Variants in RGPD4 observed in about 807,000 individuals in gnomAD.
The protein encoded by RGPD4 is ranBP2-like and GRIP domain-containing protein 4.
Under a neutral mutation model 141.1 loss-of-function variants are expected in RGPD4, and 84 were observed. The ratio of observed to expected loss-of-function variants is 0.60; its 90% CI spans 0.50 to 0.71. The LOEUF (loss-of-function observed/expected upper bound fraction) is 0.71. RGPD4 is among the 30% of genes least tolerant of loss of function. RGPD4 has a pLI of 0.00. For missense variants in RGPD4, 918 were observed against 1,622.4 expected (o/e 0.57, Z 7.46); for synonymous variants, 298 against 566.8 (o/e 0.53, Z 6.74).
At chr2:107,856,170 C>T (rs1380498411) in intron 8 of RGPD4, among the ~76,000 whole-genome samples, 1 of 123,988 alleles carries the variant, frequency 8.1e-6, no homozygotes, top group East Asian at 2.3e-4. Context: ...TCTCCTCCCT[C>T]AGCCTCCCCA....
chr2:107,845,455 C>G (rs940232650), intron 6 of RGPD4, among the ~76,000 whole-genome samples: 1 of 150,316 alleles, frequency 6.7e-6, no homozygotes, highest in Non-Finnish European at 1.5e-5. Context: ...GGGGAGATGA[C>G]CATGGGAATG....
At chr2:107,832,129 C>T (rs980238095) in intron 1 of RGPD4, among the ~76,000 whole-genome samples, 16 of 151,940 alleles carry the variant, frequency 1.1e-4, no homozygotes, top group African/African-American at 3.4e-4. Flanking sequence ...AACTCAGCAA[C>T]TTAAACCCTC....
intron 20 of RGPD4, among the ~76,000 whole-genome samples, chr2:107,874,326 T>G (rs1481201339): frequency 6.7e-6 from 1 of 150,196 alleles, no homozygotes; most frequent in Non-Finnish European, 1.5e-5. Flanking sequence ...ACAGCTTGCA[T>G]ATTATATATG....
At chr2:107,833,975 C>G (rs1366065579) in intron 1 of RGPD4, among the ~76,000 whole-genome samples, 1 of 150,922 alleles carries the variant, frequency 6.6e-6, no homozygotes, top group African/African-American at 2.5e-5. Context: ...CCACCGCACT[C>G]CAGCCTGGTG....
intron 21 of RGPD4, among the ~76,000 whole-genome samples, chr2:107,882,078 T>C (rs1363358267): frequency 2.0e-5 from 3 of 151,848 alleles, no homozygotes; most frequent in Non-Finnish European, 4.4e-5. Flanking sequence ...AACCCATGGC[T>C]CCAGTTATTT....
At chr2:107,878,360 G>A (rs185240871) in intron 20 of RGPD4, among the ~76,000 whole-genome samples, 4 of 149,152 alleles carry the variant, frequency 2.7e-5, no homozygotes, top group African/African-American at 9.8e-5. Context: ...CCCACTTCTA[G>A]ACATGCACAC....
intron 17 of RGPD4, among the ~76,000 whole-genome samples, chr2:107,865,193 C>G (rs62150202): frequency 8.8e-5 from 13 of 147,878 alleles, no homozygotes; most frequent in South Asian, 2.1e-4. Flanking sequence ...CCCTGCATCC[C>G]TTTCTCTCAT....
intron 22 of RGPD4, among the ~76,000 whole-genome samples, chr2:107,885,996 T>G (rs2104521506): frequency 6.7e-6 from 1 of 149,956 alleles, no homozygotes; most frequent in Admixed American, 6.7e-5. Context: ...GAGGTTGCAG[T>G]GAGCCGAGAT....
At chr2:107,877,951 T>A (rs529254335) in intron 20 of RGPD4, among the ~76,000 whole-genome samples, 1 of 151,620 alleles carries the variant, frequency 6.6e-6, no homozygotes, top group East Asian at 1.9e-4. Flanking sequence ...CAGCTGGGAT[T>A]ACAGGCACCT....
rs1316210489 is a variant in RGPD4 at position 107,880,216 on chromosome 2, G to A, written c.5064+109G>A. On this transcript the variant is annotated intron_variant, in intron 21 of 22. Transcript: ENST00000408999. ...TTCACATTGCAGATGCATCTATAAC[G>A]TCTTGATCTTTATATTAGATTCCTG... The A allele has an allele frequency of 4.3e-5, 56 of 1,310,084 alleles. 2 individuals carry two copies. The highest frequency in any genetic ancestry group is 4.2e-4 in the African/African-American group (26 of 61,438). 81.2% of individuals were successfully genotyped at this position (1,310,084 alleles called of 1,614,324 possible).
intron 6 of RGPD4, among the ~76,000 whole-genome samples, chr2:107,846,269 C>T (rs946068456): frequency 6.6e-6 from 1 of 150,794 alleles, no homozygotes; most frequent in Non-Finnish European, 1.5e-5. Context: ...CTTGGCCTCC[C>T]AAAGTACTGG....
At chr2:107,833,375 C>T (rs1336576002) in intron 1 of RGPD4, among the ~76,000 whole-genome samples, 1 of 152,096 alleles carries the variant, frequency 6.6e-6, no homozygotes, top group African/African-American at 2.4e-5. Context: ...TCTTACTGTT[C>T]CTGTTTTCAG....
intron 8 of RGPD4, among the ~76,000 whole-genome samples, chr2:107,855,477 G>C (rs71257750): frequency 6.6e-6 from 1 of 151,714 alleles, no homozygotes; most frequent in African/African-American, 2.4e-5. Flanking sequence ...GTGCCTTTGC[G>C]TGGTGTCACA....
chr2:107,873,461 C>G (rs1683000248), intron 20 of RGPD4, among the ~76,000 whole-genome samples: 3 of 145,292 alleles, frequency 2.1e-5, no homozygotes, highest in African/African-American at 7.9e-5. Context: ...TAATTAGCAG[C>G]TACTCAGGAG....
At position 107,861,361 on chromosome 2, in the gene RGPD4, TTTTA is replaced by T. The variant is rs1325593827; in HGVS notation, c.2058+45_2058+48del. ...GTAGATGCAGTACTTGAGCTAAAAG[TTTTA>T]TTTATTTATTTATTATTTCTTTTAA... On this transcript the variant is annotated intron_variant, in intron 14 of 22. Coordinates refer to ENST00000408999, the MANE Select transcript of RGPD4 (RefSeq NM_182588.3). The T allele has an allele frequency of 1.7e-5, 5 of 297,522 alleles. No individual in the cohort carries two copies. In the African/African-American group the frequency reaches 1.9e-4, roughly 11 times the overall value. 18.4% of individuals were successfully genotyped at this position (297,522 alleles called of 1,614,324 possible). A position where few individuals can be genotyped will look rare whatever the true frequency, so the allele number is the denominator to read the frequency against.
Position 107,872,000 on chromosome 2 carries a change from A to T in RGPD4, c.3996A>T (p.Gly1332=). Residue 1332 remains glycine, a synonymous_variant, in exon 20 of 23, where the codon GGA becomes GGT. Transcript: ENST00000408999. Reference sequence around the variant, plus strand: ...TTACTCAAGAAGAAGAGAGAGATGGACAGTACTTTGAACCTGTTGTTCCTT... The same window carrying T: ...TTACTCAAGAAGAAGAGAGAGATGGTCAGTACTTTGAACCTGTTGTTCCTT... ...SDVTQEEERD[G]QYFEPVVPLP... The T allele has an allele frequency of 6.2e-7, 1 of 1,611,538 alleles. No individual in the cohort carries two copies. The highest frequency in any genetic ancestry group is 1.1e-5 in the South Asian group (1 of 90,988).
chr2:107,831,614 C>T (rs1345291951), intron 1 of RGPD4, among the ~76,000 whole-genome samples: 1 of 103,768 alleles, frequency 9.6e-6, no homozygotes, highest in African/African-American at 3.9e-5. Context: ...CTCGCTCTAT[C>T]GTCCAGGCTG....
At chr2:107,889,878 A>AT (rs926052282) in intron 22 of RGPD4, among the ~76,000 whole-genome samples, 6 of 149,880 alleles carry the variant, frequency 4.0e-5, no homozygotes, top group Non-Finnish European at 7.4e-5. Flanking sequence ...TTTTAAAAGA[A>AT]TTTTTTTTAA....
chr2:107,874,761 T>C (rs1007384285), intron 20 of RGPD4, among the ~76,000 whole-genome samples: 12 of 151,082 alleles, frequency 7.9e-5, no homozygotes, highest in African/African-American at 2.9e-4. Context: ...ATGAAGACTT[T>C]AGACATGAGT....
Sources: allele counts gnomAD v4.1 joint callset (sites outside exome capture counted in the v4.1 genomes callset), GRCh38; gene constraint gnomAD v4.1.1; transcripts MANE v1.5; gene names NCBI Gene and HGNC (gene_info 2026-07-23, HGNC 2026-07-21).